Variants in AUTS2 observed in about 807,000 individuals in gnomAD.
AUTS2 encodes the protein autism susceptibility gene 2 protein.
Under a neutral mutation model 112.4 loss-of-function variants are expected in AUTS2, and 17 were observed. The observed-to-expected ratio is 0.15, with a 90% CI of 0.10 to 0.23. The LOEUF is 0.23. Ranked by LOEUF, AUTS2 falls within the 10% of genes least tolerant of loss-of-function variation. AUTS2 has a pLI of 1.00. For missense variants in AUTS2, 1,510 were observed against 1,701.6 expected (o/e 0.89, Z 1.98); for synonymous variants, 751 against 702.7 (o/e 1.07, Z -1.09).
intron 2 of AUTS2, among the ~76,000 whole-genome samples, chr7:69,927,858 C>T (rs1562973943): frequency 6.6e-6 from 1 of 152,238 alleles, no homozygotes; most frequent in Non-Finnish European, 1.5e-5. Flanking sequence ...CCTGAAAGTG[C>T]AGAGACCGCC....
At chr7:70,208,724 G>A (rs901149089) in intron 4 of AUTS2, among the ~76,000 whole-genome samples, 1 of 151,960 alleles carries the variant, frequency 6.6e-6, no homozygotes, top group South Asian at 2.1e-4. Flanking sequence ...GATGGGTGGT[G>A]AGGATGTGAG....
At chr7:70,466,140 C>G (rs912840599) in intron 5 of AUTS2, among the ~76,000 whole-genome samples, 4 of 152,134 alleles carry the variant, frequency 2.6e-5, no homozygotes, top group Non-Finnish European at 5.9e-5. Flanking sequence ...TCTGGGAAAA[C>G]TAGGTAGCCC....
intron 4 of AUTS2, among the ~76,000 whole-genome samples, chr7:70,371,813 T>G (rs951981800): frequency 3.3e-5 from 5 of 152,208 alleles, no homozygotes; most frequent in Admixed American, 2.6e-4. Flanking sequence ...TGTGTTGATT[T>G]GAACACGTGC....
At chr7:70,285,330 T>G (rs747369786) in intron 4 of AUTS2, among the ~76,000 whole-genome samples, 4 of 152,218 alleles carry the variant, frequency 2.6e-5, no homozygotes, top group Admixed American at 2.0e-4. Flanking sequence ...CCTTCAGTAT[T>G]TGTTCCTCAA....
At chr7:70,628,056 C>T (rs1156857619) in intron 5 of AUTS2, among the ~76,000 whole-genome samples, 1 of 152,038 alleles carries the variant, frequency 6.6e-6, no homozygotes, top group Non-Finnish European at 1.5e-5. Flanking sequence ...GAAGGTGGCT[C>T]ATTGATCTAT....
At chr7:69,618,112 T>C (rs1583949913) in intron 1 of AUTS2, among the ~76,000 whole-genome samples, 1 of 152,338 alleles carries the variant, frequency 6.6e-6, no homozygotes, top group South Asian at 2.1e-4. Flanking sequence ...TGTATGGTCA[T>C]GCAGATAGAG....
intron 1 of AUTS2, among the ~76,000 whole-genome samples, chr7:69,709,313 A>T (rs182827095): frequency 5.9e-5 from 9 of 152,312 alleles, no homozygotes; most frequent in African/African-American, 2.2e-4. Flanking sequence ...AATCACAGAA[A>T]GGGACTTTGT....
chr7:70,536,199 G>A (rs963048077), intron 5 of AUTS2, among the ~76,000 whole-genome samples: 2 of 152,128 alleles, frequency 1.3e-5, no homozygotes, highest in Non-Finnish European at 2.9e-5. Context: ...GTAGGCACAA[G>A]AATCACTTGA....
chr7:70,744,187 G>A lies in AUTS2; in HGVS notation c.743-18683G>A, dbSNP rs1788294610. 2.0e-5 allele frequency among the ~76,000 whole-genome samples: 3 copies of A among 152,200 alleles called. No homozygotes were observed. In the South Asian group the frequency reaches 6.2e-4, roughly 32 times the overall value. On this transcript the variant is annotated intron_variant, in intron 6 of 18. Coordinates refer to ENST00000342771, the MANE Select transcript of AUTS2 (RefSeq NM_015570.4). The stretch of plus-strand genomic sequence containing the variant: ...AACTGCAATCGTTTGTCCAAGTGTG[G>A]TGTTGAAAGTACTGTCTAGATCTGA...
chr7:70,584,208 T>C (rs1029387343), intron 5 of AUTS2, among the ~76,000 whole-genome samples: 3 of 152,188 alleles, frequency 2.0e-5, no homozygotes, highest in African/African-American at 4.8e-5. Context: ...GCATTTAATA[T>C]CAGAAATGTA....
intron 4 of AUTS2, among the ~76,000 whole-genome samples, chr7:70,226,360 A>ATTTT (rs34184657): frequency 7.3e-6 from 1 of 136,412 alleles, no homozygotes; most frequent in African/African-American, 2.7e-5. Context: ...TGCCCGGCTA[A>ATTTT]TTTTTTTTTT....
At chr7:69,977,782 A>C (rs910049767) in intron 2 of AUTS2, among the ~76,000 whole-genome samples, 1 of 151,912 alleles carries the variant, frequency 6.6e-6, no homozygotes. Context: ...TGTTTTTTCA[A>C]CTCCAAATCT....
intron 1 of AUTS2, among the ~76,000 whole-genome samples, chr7:69,751,496 G>A (rs181131797): frequency 1.1e-4 from 17 of 152,214 alleles, no homozygotes; most frequent in Non-Finnish European, 1.9e-4. Flanking sequence ...ATTTTGTTCC[G>A]TGTACTATTC....
intron 4 of AUTS2, among the ~76,000 whole-genome samples, chr7:70,384,836 C>T (rs1337816839): frequency 6.6e-6 from 1 of 152,170 alleles, no homozygotes; most frequent in African/African-American, 2.4e-5. Context: ...CCCCACTGGC[C>T]TCCAGTAGGA....
intron 4 of AUTS2, among the ~76,000 whole-genome samples, chr7:70,147,123 G>A (rs1306718829): frequency 6.6e-6 from 1 of 151,892 alleles, no homozygotes; most frequent in African/African-American, 2.4e-5. Context: ...TTGGGAGGCT[G>A]AGTTGGGAAG....
intron 2 of AUTS2, among the ~76,000 whole-genome samples, chr7:69,984,072 CGTT>C (rs1209966013): frequency 6.6e-6 from 1 of 152,004 alleles, no homozygotes; most frequent in Non-Finnish European, 1.5e-5. Flanking sequence ...TTTGACCTAA[CGTT>C]GATTCAGATT....
intron 2 of AUTS2, among the ~76,000 whole-genome samples, chr7:70,086,513 T>C (rs990909946): frequency 8.0e-5 from 12 of 150,756 alleles, no homozygotes; most frequent in Middle Eastern, 3.5e-3. Context: ...TAATGGCGGG[T>C]GCCTGTAATC....
intron 2 of AUTS2, among the ~76,000 whole-genome samples, chr7:70,097,171 AC>A (rs1804248971): frequency 6.6e-6 from 1 of 152,246 alleles, no homozygotes; most frequent in Non-Finnish European, 1.5e-5. Context: ...ATATGAGATT[AC>A]ACTGGGTGTT....
chr7:70,168,967 G>A (rs903255288), intron 4 of AUTS2, among the ~76,000 whole-genome samples: 2 of 151,912 alleles, frequency 1.3e-5, no homozygotes, highest in Non-Finnish European at 2.9e-5. Flanking sequence ...AAAAAAAATT[G>A]GTTTGCAGTC....
Sources: allele counts gnomAD v4.1 joint callset (sites outside exome capture counted in the v4.1 genomes callset), GRCh38; gene constraint gnomAD v4.1.1; transcripts MANE v1.5; gene names NCBI Gene and HGNC (gene_info 2026-07-23, HGNC 2026-07-21).